CEP57L1: variants seen among roughly 807,000 people sequenced by gnomAD.
CEP57L1 encodes centrosomal protein 57 like 1.
CEP57L1 carries 37 observed loss-of-function variants against 61.0 expected under a neutral mutation model. The observed-to-expected ratio is 0.61, with a 90% confidence interval of 0.47 to 0.80. CEP57L1 has a LOEUF of 0.80. Among genes scored for constraint, CEP57L1 ranks in the 30% least tolerant of loss-of-function variants. The pLI, the probability that CEP57L1 is intolerant of heterozygous loss-of-function variation, is 0.00. For synonymous variants in CEP57L1, 137 were observed against 162.3 expected, an observed-to-expected ratio of 0.84 and a Z score of 1.19; for missense variants, 422 against 524.7, an observed-to-expected ratio of 0.80 and a Z score of 1.91.
rs139145863 is a variant in CEP57L1 at position 109,170,532 on chromosome 6, T to C, written c.*7562T>C. Among the ~76,000 whole-genome samples, 10 of 152,266 alleles carry C rather than the reference T, an allele frequency of 6.6e-5. No individual in the cohort carries two copies. The highest frequency in any genetic ancestry group is 1.3e-4 in the Non-Finnish European group (9 of 67,996). On this transcript the variant is annotated 3_prime_UTR_variant, in exon 11 of 11. Coordinates refer to ENST00000517392, the MANE Select transcript of CEP57L1 (RefSeq NM_001271852.3). ...TCATGCCTGAAATACAAGATTGATG[T>C]TTACAGGGCAATTGTCCAGAATCTT... is the stretch of plus-strand genomic sequence containing the variant.
chr6:109,095,172 C>G (rs953352258), upstream of CEP57L1: 20 of 985,428 alleles, frequency 2.0e-5, no homozygotes, highest in Non-Finnish European at 2.4e-5. Flanking sequence ...CAAGCGCCCC[C>G]GGAGGCGCTA....
chr6:109,114,056 G>C (rs1034269218), intron 1 of CEP57L1, among the ~76,000 whole-genome samples: 2 of 149,618 alleles, frequency 1.3e-5, no homozygotes, highest in Non-Finnish European at 3.0e-5. Flanking sequence ...TTTTTTTTTT[G>C]CTTTGGGTAT....
At chr6:109,135,522 A>C (rs536928384) in intron 1 of CEP57L1, among the ~76,000 whole-genome samples, 8 of 152,340 alleles carry the variant, frequency 5.3e-5, no homozygotes, top group East Asian at 1.9e-4. Context: ...TTCATGTCAA[A>C]AACACCAAAA....
chr6:109,146,117 T>C (rs189579620), intron 2 of CEP57L1, among the ~76,000 whole-genome samples: 4 of 152,092 alleles, frequency 2.6e-5, no homozygotes, highest in African/African-American at 7.2e-5. Flanking sequence ...AGCAAGCATC[T>C]TTCTAATTTG....
intron 3 of CEP57L1, among the ~76,000 whole-genome samples, chr6:109,147,367 G>T (rs78242270): frequency 0.12 from 17,655 of 151,994 alleles, 1,103 homozygotes; most frequent in Middle Eastern, 0.21. Flanking sequence ...GAATACAAAA[G>T]AATTTTATTT....
chr6:109,126,435 T>A (rs1420158642), intron 1 of CEP57L1, among the ~76,000 whole-genome samples: 3 of 152,204 alleles, frequency 2.0e-5, no homozygotes, highest in African/African-American at 7.2e-5. Flanking sequence ...AACATGAAAA[T>A]CTGTTGTCCA....
chr6:109,157,780 T>C (rs1362827922), intron 7 of CEP57L1: 1 of 152,134 alleles, frequency 6.6e-6, no homozygotes, highest in Non-Finnish European at 1.5e-5. Context: ...CTGAGAAGAG[T>C]AGGGACATGA....
At chr6:109,139,215 G>C (rs1348916440) in intron 1 of CEP57L1, among the ~76,000 whole-genome samples, 1 of 152,144 alleles carries the variant, frequency 6.6e-6, no homozygotes, top group Admixed American at 6.5e-5. Context: ...TCACATCCTG[G>C]GCAGGATGGA....
chr6:109,127,605 C>G lies in CEP57L1; in HGVS notation c.-3-17614C>G, dbSNP rs1240609685. Among the ~76,000 whole-genome samples, 3 of 149,060 alleles carry G rather than the reference C, an allele frequency of 2.0e-5. No homozygotes were observed. The East Asian group carries it at 5.9e-4, about 29-fold the overall frequency. ...GTCTCCCAAATCTGTTATACTTAAT[C>G]TTTTTTTGTTTGTTTGTTTTGTTTT... On this transcript the variant is annotated intron_variant, in intron 1 of 10. Transcript: ENST00000517392.
intron 3 of CEP57L1, among the ~76,000 whole-genome samples, 184 bp from the exon 4 acceptor site, chr6:109,149,934 G>A (rs1294194740): frequency 2.6e-5 from 4 of 152,086 alleles, no homozygotes; most frequent in African/African-American, 9.7e-5. Flanking sequence ...TGTTATTGGT[G>A]TATAAGAATG....
intron 3 of CEP57L1, among the ~76,000 whole-genome samples, chr6:109,147,527 A>G (rs1235930516): frequency 2.0e-5 from 3 of 152,148 alleles, no homozygotes; most frequent in East Asian, 1.9e-4. Context: ...TTTACACTAC[A>G]CTCATCCTCA....
At chr6:109,135,191 G>T (rs906990594) in intron 1 of CEP57L1, among the ~76,000 whole-genome samples, 1 of 152,144 alleles carries the variant, frequency 6.6e-6, no homozygotes, top group Non-Finnish European at 1.5e-5. Context: ...AACCAAAACA[G>T]CATGGTACCT....
Position 109,163,092 on chromosome 6 carries a change from T to C in CEP57L1, c.*122T>C. The stretch of plus-strand genomic sequence containing the variant: ...TCATGTTTCTAGTTTCTATAAAACA[T>C]GAAGTTGCAGTATTTAAAAATTAAT... On this transcript the variant is annotated 3_prime_UTR_variant, in exon 11 of 11. Coordinates refer to ENST00000517392, the MANE Select transcript of CEP57L1 (RefSeq NM_001271852.3). 1.5e-6 allele frequency: 1 copy of C among 675,992 alleles called. No homozygotes were observed. Among genetic ancestry groups the C allele is most frequent in the South Asian group, 2.1e-5 (1 of 48,068 alleles). The allele number at this position is 675,992 out of a possible 1,614,324, so 41.9% of individuals were successfully genotyped here. A position where few individuals can be genotyped will look rare whatever the true frequency, so the allele number is the denominator to read the frequency against.
chr6:109,161,516 T>C (rs1471376605), intron 10 of CEP57L1, among the ~76,000 whole-genome samples: 1 of 152,152 alleles, frequency 6.6e-6, no homozygotes, highest in Non-Finnish European at 1.5e-5. Context: ...CCGCGTTTTA[T>C]AGGAAAGTAA....
intron 3 of CEP57L1, among the ~76,000 whole-genome samples, chr6:109,148,368 G>C (rs905716785): frequency 3.8e-4 from 58 of 151,954 alleles, no homozygotes; most frequent in South Asian, 6.2e-4. Flanking sequence ...AACATGCGGT[G>C]TTTGGTTTTT....
At chr6:109,159,000 A>G in intron 7 of CEP57L1, 25 bp from the exon 8 acceptor site, 5 of 1,583,510 alleles carry the variant, frequency 3.2e-6, no homozygotes, top group Non-Finnish European at 4.3e-6. Flanking sequence ...TTTCTTGTTT[A>G]CGTTTTTTTC....
At chr6:109,159,707 A>C (rs1773557998) in intron 9 of CEP57L1, among the ~76,000 whole-genome samples, 1 of 152,198 alleles carries the variant, frequency 6.6e-6, no homozygotes, top group South Asian at 2.1e-4. Context: ...TTACTTAGCC[A>C]TTTGGACAGT....
intron 1 of CEP57L1, among the ~76,000 whole-genome samples, chr6:109,117,074 A>G (rs2114672170): frequency 6.6e-6 from 1 of 152,252 alleles, no homozygotes; most frequent in East Asian, 1.9e-4. Flanking sequence ...CGTGATTTTT[A>G]TTTTCTTCTA....
intron 10 of CEP57L1, among the ~76,000 whole-genome samples, chr6:109,161,067 A>G (rs74991574): frequency 0.11 from 16,406 of 152,118 alleles, 951 homozygotes; most frequent in Middle Eastern, 0.21. Flanking sequence ...TGCCTTAATG[A>G]TACCCCTTAT....
Sources: gnomAD v4.1 joint callset for allele counts (sites outside exome capture counted in the v4.1 genomes callset) on GRCh38, gnomAD v4.1.1 for gene constraint, MANE v1.5 for transcripts, NCBI Gene and HGNC (gene_info 2026-07-23, HGNC 2026-07-21) for gene names.